Variants in HECW2 observed in about 807,000 individuals in gnomAD.
The protein encoded by HECW2 is E3 ubiquitin-protein ligase HECW2.
HECW2 carries 61 observed loss-of-function variants against 175.2 expected under a neutral mutation model. That is an observed-to-expected ratio of 0.35 (90% CI 0.28 to 0.43). HECW2 has a LOEUF of 0.43. Among genes scored for constraint, HECW2 ranks in the 20% least tolerant of loss-of-function variants. The probability of loss-of-function intolerance (pLI) is 1.00; values close to 1 mark genes in which losing one functional copy is unlikely to be tolerated. For missense variants in HECW2, 1,524 were observed against 2,000.5 expected (o/e 0.76, Z 4.54); for synonymous variants, 671 against 731.0 (o/e 0.92, Z 1.32).
chr2:196,554,104 C>T (rs182008696), intron 1 of HECW2, among the ~76,000 whole-genome samples: 60 of 152,010 alleles, frequency 3.9e-4, no homozygotes, highest in African/African-American at 1.4e-3. Context: ...TTTGGGAGGC[C>T]GAGGCGGGCG....
chr2:196,444,544 C>T (rs1381689556), intron 1 of HECW2, among the ~76,000 whole-genome samples: 2 of 152,116 alleles, frequency 1.3e-5, no homozygotes, highest in African/African-American at 4.8e-5. Flanking sequence ...ATACCTAGAC[C>T]ACCACTTCTT....
At chr2:196,568,250 T>C (rs183977322) in intron 1 of HECW2, among the ~76,000 whole-genome samples, 3 of 152,320 alleles carry the variant, frequency 2.0e-5, no homozygotes, top group East Asian at 1.9e-4. Flanking sequence ...TATGTTATGA[T>C]AGTTACTTCT....
chr2:196,359,774 C>A (rs989620467), intron 2 of HECW2, among the ~76,000 whole-genome samples: 1 of 152,144 alleles, frequency 6.6e-6, no homozygotes, highest in Non-Finnish European at 1.5e-5. Context: ...CTTGTTGGAG[C>A]TCATCTAATC....
intron 28 of HECW2, among the ~76,000 whole-genome samples, chr2:196,202,921 C>T (rs772566154): frequency 5.9e-5 from 9 of 152,256 alleles, no homozygotes; most frequent in South Asian, 2.1e-4. Flanking sequence ...AATTCATTTA[C>T]GTTTCACATG....
At chr2:196,373,210 T>C (rs1693954565) in intron 2 of HECW2, among the ~76,000 whole-genome samples, 1 of 152,260 alleles carries the variant, frequency 6.6e-6, no homozygotes. Context: ...TGAACTGGCC[T>C]CTGCAGTCTC....
intron 1 of HECW2, among the ~76,000 whole-genome samples, chr2:196,503,556 T>C (rs1687645732): frequency 6.6e-6 from 1 of 152,152 alleles, no homozygotes; most frequent in African/African-American, 2.4e-5. Context: ...CTACTCCTTC[T>C]GCCCTCCTGT....
intron 23 of HECW2, among the ~76,000 whole-genome samples, chr2:196,222,963 G>A (rs774692282): frequency 1.1e-4 from 16 of 152,054 alleles, no homozygotes; most frequent in Non-Finnish European, 2.2e-4. Context: ...AGAAAGAATC[G>A]ACATGAGGTA....
intron 1 of HECW2, among the ~76,000 whole-genome samples, chr2:196,472,576 C>T (rs1697254259): frequency 6.6e-6 from 1 of 150,792 alleles, no homozygotes; most frequent in South Asian, 2.1e-4. Context: ...AAAGGCAGAT[C>T]AGAATAGTGG....
intron 15 of HECW2, among the ~76,000 whole-genome samples, chr2:196,276,537 T>A (rs1403123979): frequency 6.6e-6 from 1 of 152,150 alleles, no homozygotes; most frequent in African/African-American, 2.4e-5. Flanking sequence ...AGGTGAGTGG[T>A]TAAAGGGCAC....
intron 1 of HECW2, among the ~76,000 whole-genome samples, chr2:196,460,548 A>G (rs961099689): frequency 6.6e-6 from 1 of 151,402 alleles, no homozygotes; most frequent in Admixed American, 6.6e-5. Context: ...AGAACATATA[A>G]TTTCTGTCTA....
At chr2:196,251,843 G>A (rs1688865606) in intron 19 of HECW2, among the ~76,000 whole-genome samples, 1 of 152,048 alleles carries the variant, frequency 6.6e-6, no homozygotes, top group Admixed American at 6.5e-5. Context: ...ACTGATCTTT[G>A]AAAAGCAGGA....
At chr2:196,262,913 A>G (rs1689361074) in intron 17 of HECW2, 2 of 152,186 alleles carry the variant, frequency 1.3e-5, no homozygotes, top group Non-Finnish European at 2.9e-5. Context: ...TGTCTACCTG[A>G]TAAGTGCTTA....
chr2:196,538,996 T>G (rs188276650), intron 1 of HECW2, among the ~76,000 whole-genome samples: 17 of 152,250 alleles, frequency 1.1e-4, no homozygotes, highest in South Asian at 6.2e-4. Flanking sequence ...CAGTGAGAAG[T>G]GGTGGTCTGA....
chr2:196,246,862 G>C (rs1018874844), intron 19 of HECW2, among the ~76,000 whole-genome samples: 1 of 152,164 alleles, frequency 6.6e-6, no homozygotes, highest in Non-Finnish European at 1.5e-5. Flanking sequence ...TCTAGGTAAA[G>C]GGATTTAATT....
At chr2:196,471,164 C>T (rs1697182459) in intron 1 of HECW2, among the ~76,000 whole-genome samples, 1 of 152,060 alleles carries the variant, frequency 6.6e-6, no homozygotes, top group African/African-American at 2.4e-5. Flanking sequence ...TCTAAGAAAA[C>T]ATCAACAAAT....
chr2:196,388,799 G>GT (rs1694424136), intron 2 of HECW2, among the ~76,000 whole-genome samples: 1 of 152,188 alleles, frequency 6.6e-6, no homozygotes, highest in Admixed American at 6.5e-5. Context: ...TATTGTGGTA[G>GT]TTTTTCAAAA....
At chr2:196,447,865 G>C (rs1371798298) in intron 1 of HECW2, among the ~76,000 whole-genome samples, 1 of 152,134 alleles carries the variant, frequency 6.6e-6, no homozygotes, top group Admixed American at 6.5e-5. Flanking sequence ...AGCCAAGCCT[G>C]GCCAATATGG....
chr2:196,341,163 C>T (rs1348920133), intron 3 of HECW2, among the ~76,000 whole-genome samples: 1 of 152,026 alleles, frequency 6.6e-6, no homozygotes, highest in Non-Finnish European at 1.5e-5. Context: ...CATTATATTC[C>T]AAACTATAGC....
intron 1 of HECW2, among the ~76,000 whole-genome samples, chr2:196,543,294 A>C (rs1401291706): frequency 6.6e-6 from 1 of 151,138 alleles, no homozygotes; most frequent in African/African-American, 2.4e-5. Context: ...ATTTTTATAT[A>C]TATAAATTTG....
Sources: gnomAD v4.1 joint callset for allele counts (sites outside exome capture counted in the v4.1 genomes callset) on GRCh38, gnomAD v4.1.1 for gene constraint, MANE v1.5 for transcripts, NCBI Gene and HGNC (gene_info 2026-07-23, HGNC 2026-07-21) for gene names.